Variants in PTPRU observed in about 807,000 individuals in gnomAD.
PTPRU encodes the protein protein tyrosine phosphatase receptor type U.
Under a neutral mutation model 166.3 loss-of-function variants are expected in PTPRU, and 69 were observed. That is an observed-to-expected ratio of 0.41 (90% CI 0.34 to 0.51). The LOEUF is 0.51. Ranked by LOEUF, PTPRU falls within the 20% of genes least tolerant of loss-of-function variation. The probability of loss-of-function intolerance (pLI) is 0.09; values close to 1 mark genes in which losing one functional copy is unlikely to be tolerated. For missense variants in PTPRU, 1,657 were observed against 2,013.7 expected (o/e 0.82, Z 3.39); for synonymous variants, 793 against 814.0 (o/e 0.97, Z 0.44).
chr1:29,269,669 A>G (rs1038340290), intron 7 of PTPRU, among the ~76,000 whole-genome samples: 2 of 152,018 alleles, frequency 1.3e-5, no homozygotes, highest in African/African-American at 2.4e-5. Context: ...CTCCATCCCC[A>G]TGAAACTCCC....
chr1:29,258,920 C>T (rs911604876), intron 3 of PTPRU, 144 bp downstream of exon 3: 3 of 1,256,696 alleles, frequency 2.4e-6, no homozygotes, highest in Non-Finnish European at 3.2e-6. Flanking sequence ...GGCCAGGGGT[C>T]AGTCTGGGGC....
At chr1:29,258,833 C>T in intron 3 of PTPRU, 57 bp downstream of exon 3, 2 of 1,524,468 alleles carry the variant, frequency 1.3e-6, no homozygotes. Context: ...AGATGGATGT[C>T]AAATTGAGGT....
Position 29,311,884 on chromosome 1 carries a change from A to G in PTPRU, c.3072+125A>G. 2 of 967,176 alleles carry G rather than the reference A, an allele frequency of 2.1e-6. No individual in the cohort carries two copies. Among genetic ancestry groups the G allele is most frequent in the Non-Finnish European group, 3.1e-6 (2 of 635,084 alleles). The allele number at this position is 967,176 out of a possible 1,614,324, so 59.9% of individuals were successfully genotyped here. On this transcript the variant is annotated intron_variant, in intron 21 of 29. Transcript: ENST00000373779. This position sits in a 1 kb window ranked among gnomAD's most constrained non-coding sequence, Gnocchi z 4.1. ...GCACCACTGCCCATCCCAGCAAGGAAGCTACTTGGTCACTGTTGGCTGGGA... is the reference window on the plus strand; with the variant it reads ...GCACCACTGCCCATCCCAGCAAGGAGGCTACTTGGTCACTGTTGGCTGGGA...
Position 29,279,741 on chromosome 1 carries a change from A to G in PTPRU, c.1765+84A>G. On this transcript the variant is annotated intron_variant, in intron 10 of 29. Coordinates refer to ENST00000373779, the MANE Select transcript of PTPRU (RefSeq NM_133178.4). This position sits in a 1 kb window ranked among gnomAD's most constrained non-coding sequence, Gnocchi z 5.2. The stretch of plus-strand genomic sequence containing the variant: ...CATGGGCAGAAGGGAAATGGGGGGC[A>G]TCCTGGGGGTAGTTACAGAGGGCCC... 6.8e-7 allele frequency: 1 copy of G among 1,481,108 alleles called. No individual in the cohort carries two copies. The highest frequency in any genetic ancestry group is 1.1e-5 in the South Asian group (1 of 87,110). 91.7% of individuals were successfully genotyped at this position (1,481,108 alleles called of 1,614,324 possible).
rs140481299 is a variant in PTPRU at position 29,280,649 on chromosome 1, CTG to C, written c.1868+538_1868+539del. Among the ~76,000 whole-genome samples, 1,374 of 143,558 alleles carry C rather than the reference CTG, an allele frequency of 9.6e-3. 5 individuals are homozygous for C. The highest frequency in any genetic ancestry group is 0.011 in the African/African-American group (433 of 39,144). 94.2% of individuals were successfully genotyped at this position (143,558 alleles called of 152,430 possible). The stretch of plus-strand genomic sequence containing the variant: ...TGGGGAGAGGGTGCTGGAGACAAGA[CTG>C]TGTGTGTGTGTGTGTGTGTGTGTGT... On this transcript the variant is annotated intron_variant, in intron 11 of 29. Coordinates refer to ENST00000373779, the MANE Select transcript of PTPRU (RefSeq NM_133178.4). The surrounding 1 kb of genome is among the most constrained non-coding windows in gnomAD (Gnocchi z 4.2).
intron 14 of PTPRU, among the ~76,000 whole-genome samples, chr1:29,288,066 C>T (rs1182144787): frequency 3.3e-5 from 5 of 152,160 alleles, no homozygotes; most frequent in South Asian, 2.1e-4. Flanking sequence ...CCACCCGCCT[C>T]GGCCTCCCAA....
intron 26 of PTPRU, among the ~76,000 whole-genome samples, chr1:29,321,750 A>G (rs1390718437): frequency 1.3e-5 from 2 of 152,224 alleles, no homozygotes; most frequent in African/African-American, 4.8e-5. Flanking sequence ...TGCATAGGAT[A>G]TGTGGCACTG....
rs1232711301 is a variant in PTPRU, at chr1:29,291,178, AG to A, written c.2319-689del. On this transcript the variant is annotated intron_variant, in intron 14 of 29. Transcript: ENST00000373779. This position sits in a 1 kb window ranked among gnomAD's most constrained non-coding sequence, Gnocchi z 4.1. ...TCTCTTCCCTGCTGCTCTGAGCAGC[AG>A]GACGGACTGGTGGGCAGTGGTGGGA... Among the ~76,000 whole-genome samples the A allele has an allele frequency of 6.6e-6, 1 of 152,022 alleles. No individual in the cohort carries two copies. Among genetic ancestry groups the A allele is most frequent in the Non-Finnish European group, 1.5e-5 (1 of 67,982 alleles).
At chr1:29,278,040 G>A (rs1685898189) in intron 8 of PTPRU, among the ~76,000 whole-genome samples, 2 of 151,730 alleles carry the variant, frequency 1.3e-5, no homozygotes, top group East Asian at 1.9e-4. Context: ...GGCTGGTCTC[G>A]AACTCCTGAC....
intron 15 of PTPRU, among the ~76,000 whole-genome samples, chr1:29,303,601 G>A (rs1687240627): frequency 6.6e-6 from 1 of 152,226 alleles, no homozygotes; most frequent in Admixed American, 6.5e-5. Flanking sequence ...AATCTAGCCA[G>A]GCAGGGCCGC....
chr1:29,259,370 G>A, intron 4 of PTPRU, 28 bp downstream of exon 4: 1 of 1,612,246 alleles, frequency 6.2e-7, no homozygotes, highest in Non-Finnish European at 8.5e-7. Context: ...GGGGGCGCAG[G>A]GGTAAGGGGT....
At chr1:29,302,128 T>C (rs1300778228) in intron 15 of PTPRU, among the ~76,000 whole-genome samples, 1 of 151,424 alleles carries the variant, frequency 6.6e-6, no homozygotes, top group African/African-American at 2.4e-5. Context: ...ATCCTGACCC[T>C]GTGCAGGCCT....
chr1:29,304,991 C>T (rs758889021), intron 17 of PTPRU, 142 bp downstream of exon 17: 11 of 677,636 alleles, frequency 1.6e-5, no homozygotes, highest in East Asian at 1.4e-4. Context: ...CCACACGTCA[C>T]GCCCTGTGCT....
At chr1:29,304,372 T>C (rs1687284824) in intron 16 of PTPRU, among the ~76,000 whole-genome samples, 1 of 152,174 alleles carries the variant, frequency 6.6e-6, no homozygotes, top group Non-Finnish European at 1.5e-5. Context: ...AGCCTGACAT[T>C]GATCCTGACT....
chr1:29,294,123 C>T (rs145886093), intron 15 of PTPRU, among the ~76,000 whole-genome samples: 4 of 152,350 alleles, frequency 2.6e-5, no homozygotes, highest in African/African-American at 7.2e-5. Context: ...TTATGGAGTA[C>T]GTGCATCTTC....
intron 13 of PTPRU, 62 bp downstream of exon 13, chr1:29,284,038 G>A: frequency 3.1e-6 from 5 of 1,587,858 alleles, no homozygotes; most frequent in Non-Finnish European, 4.3e-6. Flanking sequence ...CAGCGCTGGG[G>A]AGGTGGATCC....
In PTPRU at chr1:29,316,118, G is replaced by C. The variant is rs141497494; in HGVS notation, c.3480G>C (p.Gln1160His). The C allele has an allele frequency of 5.0e-6, 8 of 1,614,066 alleles. No homozygotes were observed. Among genetic ancestry groups the C allele is most frequent in the Non-Finnish European group, 6.8e-6 (8 of 1,180,040 alleles). ...AGGAGATGATCCGCATTGATCCTCA[G>C]AGTAATTCCTCCCAGCTGCGGGAAG... The part of the protein sequence containing the change: ...TYKEMIRIDP[Q>H]SNSSQLREEF... The change falls in exon 24 of 30, where the codon CAG becomes CAC. Residue 1160 changes from glutamine to histidine, a missense_variant. This residue lies in a region of PTPRU where 1,190 missense variants were observed against 1,477.4 expected (regional missense o/e 0.81). Coordinates refer to ENST00000373779, the MANE Select transcript of PTPRU (RefSeq NM_133178.4).
Position 29,323,711 on chromosome 1 carries a change from G to T in PTPRU, c.4035G>T (p.Lys1345Asn). 1.2e-6 allele frequency: 2 copies of T among 1,614,180 alleles called. No homozygotes were observed. The highest frequency in any genetic ancestry group is 1.7e-6 in the Non-Finnish European group (2 of 1,180,014). Residue 1345 changes from lysine (K) to asparagine (N), a missense_variant, in exon 28 of 30, where the codon AAG becomes AAT. This residue lies in a region of PTPRU where 1,190 missense variants were observed against 1,477.4 expected (regional missense o/e 0.81). Transcript: ENST00000373779. ...SAYRDTPDSK[K>N]AFLHLLAEVD... ...ACCGGGACACACCTGACTCCAAGAAGGCCTTCTTGCACCTGCTGGCTGAGG... is the reference window on the plus strand; with the variant it reads ...ACCGGGACACACCTGACTCCAAGAATGCCTTCTTGCACCTGCTGGCTGAGG...
rs1401277260 is a variant in PTPRU, at chr1:29,237,805, C to A, written c.73+1088C>A. On this transcript the variant is annotated intron_variant, in intron 1 of 29. Coordinates refer to ENST00000373779, the MANE Select transcript of PTPRU (RefSeq NM_133178.4). The surrounding 1 kb of genome is among the most constrained non-coding windows in gnomAD (Gnocchi z 6.4). ...CCAGCGGGCCCCAGCGAGGGGCCGG[C>A]GGGCGGGCAGGGGAGGGCCGGACCG... Among the ~76,000 whole-genome samples the A allele has an allele frequency of 6.9e-6, 1 of 145,854 alleles. No individual in the cohort carries two copies. The highest frequency in any genetic ancestry group is 2.0e-4 in the East Asian group (1 of 5,018).
Sources: gnomAD v4.1 joint callset for allele counts (sites outside exome capture counted in the v4.1 genomes callset) on GRCh38, gnomAD v4.1.1 for gene constraint, gnomAD v4.1.1 regional missense constraint, Gnocchi (gnomAD v3.1) non-coding constraint, MANE v1.5 for transcripts, NCBI Gene and HGNC (gene_info 2026-07-23, HGNC 2026-07-21) for gene names.